AAAS: variants seen among roughly 807,000 people sequenced by gnomAD.
AAAS encodes aladin WD repeat nucleoporin, also known as aladin.
A neutral mutation model predicts 75.6 loss-of-function variants in AAAS; 60 were observed. That is an observed-to-expected ratio of 0.79 (90% CI 0.64 to 0.98). The LOEUF is 0.98. Ranked by LOEUF, AAAS falls within the 50% of genes least tolerant of loss-of-function variation. The pLI is 0.00. For missense variants in AAAS, 658 were observed against 686.9 expected (o/e 0.96, Z 0.47); for synonymous variants, 271 against 265.0 (o/e 1.02, Z -0.22).
chr12:53,307,523 G>A lies in AAAS; in HGVS notation c.1607C>T (p.Pro536Leu). The A allele has an allele frequency of 6.2e-7, 1 of 1,614,140 alleles. No individual in the cohort carries two copies. Among genetic ancestry groups the A allele is most frequent in the African/African-American group, 1.3e-5 (1 of 75,054 alleles). ...APWDPLPGPP[P>L]VLPHSPHSHL Reference sequence around the variant, plus strand: ...GGAATGTGGGGAGTGGGGCAGAACAGGTGGTGGCCCTGGGAGAGGGTCCCA... The same window carrying A: ...GGAATGTGGGGAGTGGGGCAGAACAAGTGGTGGCCCTGGGAGAGGGTCCCA... The change falls in exon 16 of 16, where the codon CCT becomes CTT. Residue 536 changes from proline to leucine, a missense_variant. By Grantham distance (98) the Pro-to-Leu change is moderately conservative (BLOSUM62 -3). Transcript: ENST00000209873.
chr12:53,317,146 C>G (rs140684573), intron 2 of AAAS, among the ~76,000 whole-genome samples: 1 of 150,880 alleles, frequency 6.6e-6, no homozygotes, highest in Non-Finnish European at 1.5e-5. Flanking sequence ...ACTTCAGGGC[C>G]GGGTGCGGTG....
chr12:53,309,623 G>A lies in AAAS; in HGVS notation c.788C>T (p.Ser263Leu), dbSNP rs547331753. ...APSGGRLLSA[S>L]PVDAAIRVWD... is the part of the protein sequence containing the mutation. Reference sequence around the variant, plus strand: ...CACCCGGATAGCAGCATCCACGGGTGAAGCTGAGAGCAGCCGCCCCCCACT... The same window carrying A: ...CACCCGGATAGCAGCATCCACGGGTAAAGCTGAGAGCAGCCGCCCCCCACT... Residue 263 changes from serine (S) to leucine (L), a missense_variant, in exon 8 of 16, where the codon TCA (serine) becomes TTA (leucine). By Grantham distance (145) the Ser-to-Leu change is moderately radical (BLOSUM62 -2). Coordinates refer to ENST00000209873, the MANE Select transcript of AAAS (RefSeq NM_015665.6). 1.2e-6 allele frequency: 2 copies of A among 1,613,714 alleles called. No homozygotes were observed. Among genetic ancestry groups the A allele is most frequent in the Admixed American group, 1.7e-5 (1 of 60,006 alleles).
chr12:53,315,304 T>C (rs750443634), intron 4 of AAAS, 31 bp downstream of exon 4: 6 of 1,611,320 alleles, frequency 3.7e-6, no homozygotes, highest in Non-Finnish European at 3.4e-6. Flanking sequence ...ACACAGCAAA[T>C]GCAGAGGGCT....
chr12:53,318,235 T>TGTGTGTGTGC (rs1364663075), intron 2 of AAAS, among the ~76,000 whole-genome samples: 5 of 131,156 alleles, frequency 3.8e-5, no homozygotes, highest in East Asian at 2.2e-4. Flanking sequence ...TGTGTGTGTG[T>TGTGTGTGTGC]GTGTGTGTGC....
At position 53,315,432 on chromosome 12, in the gene AAAS, G is replaced by T. The variant is rs1323779255; in HGVS notation, c.308-6C>A. 3 of 1,611,340 alleles carry T rather than the reference G, an allele frequency of 1.9e-6. No individual in the cohort carries two copies. In the African/African-American group the frequency reaches 4.0e-5, roughly 22 times the overall value. ...CGTCTTCACCCACTCAAACACTGTA[G>T]GGTTGAGGAAGCAGCTCTGATTAAA... On this transcript the variant is annotated splice_region_variant and splice_polypyrimidine_tract_variant and intron_variant, in intron 3 of 15. Coordinates refer to ENST00000209873, the MANE Select transcript of AAAS (RefSeq NM_015665.6).
Position 53,321,552 on chromosome 12 carries a change from G to T in AAAS, c.-87C>A. 6.2e-7 allele frequency: 1 copy of T among 1,603,926 alleles called. No individual in the cohort carries two copies. The highest frequency in any genetic ancestry group is 8.5e-7 in the Non-Finnish European group (1 of 1,177,708). ...CTCCCGCAACTCGGTTCCCGGGCTA[G>T]ATTCGTATGCGGACGGGTACCGCAA... On this transcript the variant is annotated 5_prime_UTR_variant, in exon 1 of 16. Coordinates refer to ENST00000209873, the MANE Select transcript of AAAS (RefSeq NM_015665.6).
At chr12:53,308,167 C>T in intron 13 of AAAS, 34 bp from the exon 14 acceptor site, 1 of 1,613,144 alleles carries the variant, frequency 6.2e-7, no homozygotes, top group South Asian at 1.1e-5. Flanking sequence ...AGGGGAGGAA[C>T]TCTGAAGGCA....
At position 53,321,538 on chromosome 12, in the gene AAAS, C is replaced by T. The variant is rs561616104; in HGVS notation, c.-73G>A. ...CGGCACAGACCGCACTCCCGCAACT[C>T]GGTTCCCGGGCTAGATTCGTATGCG... On this transcript the variant is annotated 5_prime_UTR_variant, in exon 1 of 16. Transcript: ENST00000209873. 6,838 of 1,608,766 alleles carry T rather than the reference C, an allele frequency of 4.3e-3. 24 individuals carry two copies. The highest frequency in any genetic ancestry group is 5.3e-3 in the Non-Finnish European group (6,210 of 1,179,342).
chr12:53,319,682 T>C (rs554601520), intron 2 of AAAS, among the ~76,000 whole-genome samples: 2 of 150,340 alleles, frequency 1.3e-5, no homozygotes, highest in Admixed American at 6.7e-5. Context: ...CACATGCCTA[T>C]AGTACCAGCT....
Position 53,308,347 on chromosome 12 carries a change from A to G in AAAS, c.1184T>C (p.Leu395Pro), listed in dbSNP as rs766356863. 1.2e-5 allele frequency: 20 copies of G among 1,614,058 alleles called. No homozygotes were observed. In the South Asian group the frequency reaches 2.1e-4, roughly 17 times the overall value. The change falls in exon 13 of 16, where the codon CTT becomes CCT. Residue 395 changes from leucine to proline, a missense_variant and splice_region_variant. Coordinates refer to ENST00000209873, the MANE Select transcript of AAAS (RefSeq NM_015665.6). ...TIQTPDGEER[L>P]GGEAHSMVWD... ...GACCATGGAGTGAGCCTCTCCCCCA[A>G]GCCTGTGGGTAAGGACAGGTTAGGA...
At chr12:53,312,836 G>A (rs184220744) in intron 7 of AAAS, among the ~76,000 whole-genome samples, 2,223 of 129,092 alleles carry the variant, frequency 0.017, 29 homozygotes, top group South Asian at 0.053. Flanking sequence ...AAACATATAT[G>A]TGTGTGTGTG....
chr12:53,312,838 G>T (rs1157229385), intron 7 of AAAS, among the ~76,000 whole-genome samples: 1 of 137,838 alleles, frequency 7.3e-6, no homozygotes, highest in Non-Finnish European at 1.5e-5. Context: ...ACATATATGT[G>T]TGTGTGTGTG....
At chr12:53,315,228 C>T (rs770460203) in intron 4 of AAAS, 88 bp from the exon 5 acceptor site, 12 of 1,595,670 alleles carry the variant, frequency 7.5e-6, no homozygotes, top group Non-Finnish European at 1.0e-5. Context: ...ACCACTCCTA[C>T]CCTCTGAAGT....
chr12:53,310,997 G>A (rs1386899692), intron 7 of AAAS, among the ~76,000 whole-genome samples: 1 of 152,142 alleles, frequency 6.6e-6, no homozygotes, highest in African/African-American at 2.4e-5. Flanking sequence ...TCACACTCCA[G>A]GATGGAGTGC....
chr12:53,313,837 G>T (rs537487467), intron 7 of AAAS, among the ~76,000 whole-genome samples: 2 of 152,220 alleles, frequency 1.3e-5, no homozygotes, highest in African/African-American at 4.8e-5. Context: ...TCGAACTCCT[G>T]ACCTCAGGTG....
chr12:53,316,953 C>T (rs1403206533), intron 2 of AAAS, among the ~76,000 whole-genome samples: 1 of 151,378 alleles, frequency 6.6e-6, no homozygotes, highest in Non-Finnish European at 1.5e-5. Context: ...TGTGGTGGCA[C>T]ATGCCTGTAG....
At chr12:53,314,534 A>C (rs1944435739) in intron 6 of AAAS, 93 bp from the exon 7 acceptor site, 19 of 1,568,286 alleles carry the variant, frequency 1.2e-5, no homozygotes, top group Non-Finnish European at 1.7e-5. Flanking sequence ...ACAGAGAAGA[A>C]GGATGATCCA....
rs1272220688 is a variant in AAAS at position 53,321,576 on chromosome 12, A to C, written c.-111T>G. On this transcript the variant is annotated 5_prime_UTR_variant, in exon 1 of 16. Transcript: ENST00000209873. ...AGATTCGTATGCGGACGGGTACCGCAAGGGACAAACGGCGAGGCGGAACTC... is the reference window on the plus strand; with the variant it reads ...AGATTCGTATGCGGACGGGTACCGCCAGGGACAAACGGCGAGGCGGAACTC... 3 of 1,579,996 alleles carry C rather than the reference A, an allele frequency of 1.9e-6. No homozygotes were observed. The Admixed American group carries it at 5.0e-5, about 26-fold the overall frequency.
intron 2 of AAAS, among the ~76,000 whole-genome samples, chr12:53,319,243 A>G (rs1944514510): frequency 6.6e-6 from 1 of 151,062 alleles, no homozygotes; most frequent in South Asian, 2.1e-4. Context: ...GTGCCACTGC[A>G]CTGGCACAAT....
Sources: gnomAD v4.1 joint callset for allele counts (sites outside exome capture counted in the v4.1 genomes callset) on GRCh38, gnomAD v4.1.1 for gene constraint, MANE v1.5 for transcripts, NCBI Gene and HGNC (gene_info 2026-07-23, HGNC 2026-07-21) for gene names.